Variants in STOM observed in about 807,000 individuals in gnomAD.
The protein encoded by STOM is erythrocyte band 7 integral membrane protein.
A neutral mutation model predicts 30.6 loss-of-function variants in STOM; 25 were observed. That is an observed-to-expected ratio of 0.82 (90% CI 0.60 to 1.14). The LOEUF is 1.14. Among genes scored for constraint, STOM ranks in the 50% most tolerant of loss-of-function variants. The pLI, the probability that STOM is intolerant of heterozygous loss-of-function variation, is 0.00. For synonymous variants in STOM, 118 were observed against 130.8 expected, an observed-to-expected ratio of 0.90 and a Z score of 0.67; for missense variants, 292 against 365.2, an observed-to-expected ratio of 0.80 and a Z score of 1.63.
chr9:121,340,786 C>T lies in STOM; in HGVS notation c.*416G>A, dbSNP rs908709395. On this transcript the variant is annotated 3_prime_UTR_variant, in exon 7 of 7. Transcript: ENST00000286713. ...AAAAAAAGACTCTCTGGAGGTAAGG[C>T]ACATATGACCTGGAGAAGCTGGTTG... is the stretch of plus-strand genomic sequence containing the variant. 2 of 1,005,196 alleles carry T rather than the reference C, an allele frequency of 2.0e-6. No individual in the cohort carries two copies. The allele number at this position is 1,005,196 out of a possible 1,614,324, so 62.3% of individuals were successfully genotyped here. A position where few individuals can be genotyped will look rare whatever the true frequency, so the allele number is the denominator to read the frequency against.
intron 6 of STOM, among the ~76,000 whole-genome samples, chr9:121,343,073 G>A (rs1273318254): frequency 6.6e-6 from 1 of 152,166 alleles, no homozygotes; most frequent in Non-Finnish European, 1.5e-5. Context: ...TGAATAAAGG[G>A]GGCTATTATA....
chr9:121,346,291 C>T (rs1395676283), intron 6 of STOM, among the ~76,000 whole-genome samples: 4 of 152,170 alleles, frequency 2.6e-5, no homozygotes, highest in Non-Finnish European at 5.9e-5. Flanking sequence ...TGCTTGGCCT[C>T]AAGTTTTGTT....
At chr9:121,342,783 T>C (rs1011243802) in intron 6 of STOM, among the ~76,000 whole-genome samples, 2 of 152,352 alleles carry the variant, frequency 1.3e-5, no homozygotes, top group East Asian at 1.9e-4. Flanking sequence ...AATTTTTACA[T>C]GCCGATTTAA....
intron 4 of STOM, 27 bp from the exon 5 acceptor site, chr9:121,349,350 A>C (rs3747847): frequency 0.028 from 45,043 of 1,607,616 alleles, 3,093 homozygotes; most frequent in Admixed American, 0.24. Context: ...GCAATTTTAC[A>C]TCTGTCAACG....
intron 6 of STOM, among the ~76,000 whole-genome samples, chr9:121,343,874 G>A (rs1016508669): frequency 2.0e-5 from 3 of 152,190 alleles, no homozygotes; most frequent in African/African-American, 7.2e-5. Flanking sequence ...AGATGTCTGA[G>A]GTTAGAAGAG....
intron 6 of STOM, among the ~76,000 whole-genome samples, chr9:121,345,712 C>T (rs890814894): frequency 1.3e-5 from 2 of 152,104 alleles, no homozygotes; most frequent in Non-Finnish European, 2.9e-5. Context: ...GAATTCTAAG[C>T]GGTTTCTTCT....
rs559497294 is a variant in STOM at position 121,351,924 on chromosome 9, T to A, written c.321+1296A>T. On this transcript the variant is annotated intron_variant, in intron 4 of 6. Coordinates refer to ENST00000286713, the MANE Select transcript of STOM (RefSeq NM_004099.6). The stretch of plus-strand genomic sequence containing the variant: ...AATTCTTTGGTTTCTAACCAATTTA[T>A]CTAGAATAAAACCTTAAGAAAAAAA... 1.3e-4 allele frequency among the ~76,000 whole-genome samples: 20 copies of A among 152,238 alleles called. 1 individual carries two copies. The highest frequency in any genetic ancestry group is 3.2e-3 in the Middle Eastern group (1 of 316).
In STOM at chr9:121,348,156, G is replaced by A. The variant is rs777587962; in HGVS notation, c.526-7C>T. On this transcript the variant is annotated splice_polypyrimidine_tract_variant and splice_region_variant and intron_variant, in intron 5 of 6. Coordinates refer to ENST00000286713, the MANE Select transcript of STOM (RefSeq NM_004099.6). ...TGGCATCATCCAGAGTAGACTGTTA[G>A]GAAGAGAGAAGGCAAGCTAAATCTC... 1 of 1,614,086 alleles carries A rather than the reference G, an allele frequency of 6.2e-7. No individual in the cohort carries two copies.
chr9:121,362,068 G>A (rs1455552100), intron 1 of STOM, among the ~76,000 whole-genome samples: 1 of 152,062 alleles, frequency 6.6e-6, no homozygotes, highest in Non-Finnish European at 1.5e-5. Flanking sequence ...AATGGCAGTA[G>A]AATAAACTTT....
At position 121,356,111 on chromosome 9, in the gene STOM, G is replaced by C; in HGVS notation, c.107C>G (p.Ala36Gly). 6.2e-7 allele frequency: 1 copy of C among 1,614,076 alleles called. No individual in the cohort carries two copies. The highest frequency in any genetic ancestry group is 8.5e-7 in the Non-Finnish European group (1 of 1,180,006). The change falls in exon 2 of 7, where the codon GCG becomes GGG. Residue 36 changes from alanine (A) to glycine (G), a missense_variant. Transcript: ENST00000286713. The stretch of plus-strand genomic sequence containing the variant: ...TATAACGGTGAATAAGAATGAGAAC[G>C]CCACCAAAATCCATCCGCAAGGTCC... Reference protein sequence around the residue: ...GLGPCGWILVAFSFLFTVITF... With the variant: ...GLGPCGWILVGFSFLFTVITF...
In STOM at chr9:121,340,382, A is replaced by T; in HGVS notation, c.*820T>A. 1.0e-6 allele frequency: 1 copy of T among 985,390 alleles called. No individual in the cohort carries two copies. Among genetic ancestry groups the T allele is most frequent in the Non-Finnish European group, 1.2e-6 (1 of 829,926 alleles). The allele number at this position is 985,390 out of a possible 1,614,324, so 61.0% of individuals were successfully genotyped here. On this transcript the variant is annotated 3_prime_UTR_variant, in exon 7 of 7. Coordinates refer to ENST00000286713, the MANE Select transcript of STOM (RefSeq NM_004099.6). ...AGAAAATGGCTACTCTCAAGTAAGG[A>T]TTATTCTGAAACACGGTCTGGATTT...
chr9:121,354,708 A>G, intron 2 of STOM, 35 bp from the exon 3 acceptor site: 1 of 1,510,990 alleles, frequency 6.6e-7, no homozygotes, highest in Non-Finnish European at 9.1e-7. Context: ...TTTAACATGA[A>G]GAGTACAAAT....
rs545219781 is a variant in STOM at position 121,364,977 on chromosome 9, C to T, written c.61+5150G>A. On this transcript the variant is annotated intron_variant, in intron 1 of 6. Transcript: ENST00000286713. ...AGTACCTTATTATTCAACTGTGCCT[C>T]AGTCTACCCATTGAAACATAGGGCT... Among the ~76,000 whole-genome samples, 8 of 152,278 alleles carry T rather than the reference C, an allele frequency of 5.3e-5. No homozygotes were observed. In the South Asian group the frequency reaches 1.2e-3, roughly 24 times the overall value.
chr9:121,368,650 G>A lies in STOM; in HGVS notation c.61+1477C>T, dbSNP rs7043195. Among the ~76,000 whole-genome samples the A allele has an allele frequency of 3.6e-3, 552 of 152,120 alleles. 2 individuals carry two copies. The highest frequency in any genetic ancestry group is 0.012 in the African/African-American group (513 of 41,498). On this transcript the variant is annotated intron_variant, in intron 1 of 6. Coordinates refer to ENST00000286713, the MANE Select transcript of STOM (RefSeq NM_004099.6). The stretch of plus-strand genomic sequence containing the variant: ...ATAAAATAATATATACATAAAATAC[G>A]TGGCACTGGGGGGGTCGCGGTGGCT...
intron 1 of STOM, chr9:121,366,330 T>C (rs79597907): frequency 0.012 from 10,560 of 852,390 alleles, 74 homozygotes; most frequent in Non-Finnish European, 0.014. Context: ...TTAATTGAAA[T>C]GATCTATTTT....
At chr9:121,362,179 A>G (rs1564632558) in intron 1 of STOM, among the ~76,000 whole-genome samples, 1 of 152,148 alleles carries the variant, frequency 6.6e-6, no homozygotes. Context: ...ACTCACATAC[A>G]TTTTCTAAAA....
chr9:121,353,177 C>A, intron 4 of STOM, 43 bp downstream of exon 4: 2 of 1,174,446 alleles, frequency 1.7e-6, no homozygotes, highest in South Asian at 1.3e-5. Flanking sequence ...CATTGTAAAG[C>A]ACTTTCACAT....
chr9:121,340,396 C>T lies in STOM; in HGVS notation c.*806G>A, dbSNP rs1038761711. On this transcript the variant is annotated 3_prime_UTR_variant, in exon 7 of 7. Coordinates refer to ENST00000286713, the MANE Select transcript of STOM (RefSeq NM_004099.6). ...CTCAAGTAAGGATTATTCTGAAACACGGTCTGGATTTAGAAAATAAATGAA... is the reference window on the plus strand; with the variant it reads ...CTCAAGTAAGGATTATTCTGAAACATGGTCTGGATTTAGAAAATAAATGAA... 1.3e-5 allele frequency: 13 copies of T among 985,252 alleles called. No homozygotes were observed. Among genetic ancestry groups the T allele is most frequent in the African/African-American group, 1.2e-4 (7 of 57,200 alleles). 61.0% of individuals were successfully genotyped at this position (985,252 alleles called of 1,614,324 possible).
Position 121,357,437 on chromosome 9 carries a change from A to ATATATATATATATATT in STOM, c.62-1282_62-1281insAATATATATATATATA, listed in dbSNP as rs1318433915. On this transcript the variant is annotated intron_variant, in intron 1 of 6. Transcript: ENST00000286713. ...ATATTTTTAAATGATATATATATAT[A>ATATATATATATATATT]TATTTATTTATTTATTTTTTGAGAC... Among the ~76,000 whole-genome samples the ATATATATATATATATT allele has an allele frequency of 4.2e-3, 383 of 91,010 alleles. 5 individuals are homozygous for ATATATATATATATATT. The highest frequency in any genetic ancestry group is 0.016 in the African/African-American group (341 of 21,824). The allele number at this position is 91,010 out of a possible 152,430, so 59.7% of individuals were successfully genotyped here.
Sources: gnomAD v4.1 joint callset for allele counts (sites outside exome capture counted in the v4.1 genomes callset) on GRCh38, gnomAD v4.1.1 for gene constraint, MANE v1.5 for transcripts, NCBI Gene and HGNC (gene_info 2026-07-23, HGNC 2026-07-21) for gene names.